Variants in ACBD6 observed in about 807,000 individuals in gnomAD.
ACBD6 encodes acyl-CoA-binding domain-containing protein 6.
ACBD6 carries 28 observed loss-of-function variants against 37.2 expected under a neutral mutation model. That is an observed-to-expected ratio of 0.75 (90% CI 0.56 to 1.03). The LOEUF (loss-of-function observed/expected upper bound fraction) is 1.03. Ranked by LOEUF, ACBD6 falls within the 50% of genes least tolerant of loss-of-function variation. The pLI, the probability that ACBD6 is intolerant of heterozygous loss-of-function variation, is 0.00. For missense variants in ACBD6, 340 were observed against 337.4 expected, an observed-to-expected ratio of 1.01 and a Z score of -0.06; for synonymous variants, 113 against 126.8, an observed-to-expected ratio of 0.89 and a Z score of 0.73.
intron 1 of ACBD6, among the ~76,000 whole-genome samples, chr1:180,497,439 A>G (rs1557895683): frequency 6.6e-6 from 1 of 152,340 alleles, no homozygotes; most frequent in East Asian, 1.9e-4. Flanking sequence ...TCTGACCATG[A>G]AAAAGGAACT....
intron 6 of ACBD6, among the ~76,000 whole-genome samples, chr1:180,326,012 C>A (rs571591188): frequency 6.6e-6 from 1 of 152,242 alleles, no homozygotes; most frequent in South Asian, 2.1e-4. Context: ...AGGCCCACTG[C>A]AATCACTACC....
chr1:180,493,267 AAAAAAAAAAAAC>A (rs1272675147), intron 2 of ACBD6, among the ~76,000 whole-genome samples: 91 of 110,316 alleles, frequency 8.2e-4, no homozygotes, highest in African/African-American at 3.3e-3. Context: ...AAAAAAAAAA[AAAAAAAAAAAAC>A]AACAACAGCA....
At chr1:180,334,016 G>C (rs1651595850) in intron 6 of ACBD6, among the ~76,000 whole-genome samples, 1 of 152,256 alleles carries the variant, frequency 6.6e-6, no homozygotes, top group African/African-American at 2.4e-5. Flanking sequence ...AAAGCGGCCA[G>C]GAAGCTCCAA....
At chr1:180,450,073 G>C (rs1214651418) in intron 3 of ACBD6, among the ~76,000 whole-genome samples, 1 of 150,484 alleles carries the variant, frequency 6.6e-6, no homozygotes, top group African/African-American at 2.4e-5. Flanking sequence ...TTTAATACGG[G>C]TACACATAAA....
intron 6 of ACBD6, among the ~76,000 whole-genome samples, chr1:180,359,351 ATTT>A (rs894812137): frequency 6.6e-6 from 1 of 151,874 alleles, no homozygotes; most frequent in Non-Finnish European, 1.5e-5. Flanking sequence ...AGTGAGATGG[ATTT>A]TTTTTGGCCC....
chr1:180,452,368 G>C lies in ACBD6; in HGVS notation c.385-22106C>G, dbSNP rs191008594. Among the ~76,000 whole-genome samples, 22 of 152,200 alleles carry C rather than the reference G, an allele frequency of 1.4e-4. No individual in the cohort carries two copies. In the East Asian group the frequency reaches 3.9e-3, roughly 27 times the overall value. ...GCCAGTAGTCCCAGCTACTCGGGAG[G>C]CTGAGGCAGGAGAATCACTTGAAAC... On this transcript the variant is annotated intron_variant, in intron 3 of 7. Coordinates refer to ENST00000367595, the MANE Select transcript of ACBD6 (RefSeq NM_032360.4).
intron 3 of ACBD6, among the ~76,000 whole-genome samples, chr1:180,472,383 T>A (rs759882930): frequency 6.6e-6 from 1 of 152,198 alleles, no homozygotes; most frequent in Non-Finnish European, 1.5e-5. Flanking sequence ...TTAGGGTAGA[T>A]GTAGCTGAAG....
intron 6 of ACBD6, among the ~76,000 whole-genome samples, chr1:180,355,873 T>C (rs576832554): frequency 2.8e-3 from 109 of 39,064 alleles, no homozygotes; most frequent in African/African-American, 4.2e-3. Context: ...ATTGCTATAA[T>C]TTTTTTTTTT....
chr1:180,418,575 TAAAAA>T (rs1214049045), intron 4 of ACBD6, among the ~76,000 whole-genome samples: 1 of 149,928 alleles, frequency 6.7e-6, no homozygotes, highest in Admixed American at 6.6e-5. Context: ...TCCTGTCTCT[TAAAAA>T]AGAAAAAAAA....
At chr1:180,295,622 T>C (rs1649888283) in intron 7 of ACBD6, among the ~76,000 whole-genome samples, 1 of 152,176 alleles carries the variant, frequency 6.6e-6, no homozygotes, top group Non-Finnish European at 1.5e-5. Flanking sequence ...TGTCACACTG[T>C]GGGGATTCTC....
intron 1 of ACBD6, 101 bp downstream of exon 1, chr1:180,501,944 T>A: frequency 1.8e-6 from 2 of 1,141,006 alleles, no homozygotes; most frequent in Non-Finnish European, 2.6e-6. Flanking sequence ...ATACACAAGC[T>A]TCATTACACC....
At chr1:180,387,151 G>A (rs1653875284) in intron 6 of ACBD6, among the ~76,000 whole-genome samples, 1 of 152,156 alleles carries the variant, frequency 6.6e-6, no homozygotes, top group African/African-American at 2.4e-5. Context: ...GTGCTACTTA[G>A]AGGTCAATGT....
intron 4 of ACBD6, among the ~76,000 whole-genome samples, chr1:180,420,514 AC>A (rs1648312742): frequency 1.3e-5 from 2 of 152,018 alleles, no homozygotes; most frequent in Admixed American, 1.3e-4. Context: ...GGTCCTTATA[AC>A]CCCCCGATCT....
intron 6 of ACBD6, among the ~76,000 whole-genome samples, chr1:180,327,401 G>C (rs1651296574): frequency 6.6e-6 from 1 of 152,180 alleles, no homozygotes; most frequent in Non-Finnish European, 1.5e-5. Flanking sequence ...GATTGAGAAG[G>C]GGTGGTGTCA....
intron 3 of ACBD6, among the ~76,000 whole-genome samples, chr1:180,437,819 A>T (rs554209275): frequency 6.6e-6 from 1 of 152,328 alleles, no homozygotes; most frequent in Admixed American, 6.5e-5. Context: ...CTTCTAGAGA[A>T]GGCCCTTTGA....
chr1:180,326,567 G>A (rs1167865026), intron 6 of ACBD6: 3 of 152,258 alleles, frequency 2.0e-5, no homozygotes, highest in Non-Finnish European at 4.4e-5. Context: ...TGGTACCTAC[G>A]GTACAAGGTA....
At chr1:180,455,236 C>T in intron 3 of ACBD6, among the ~76,000 whole-genome samples, 1 of 152,168 alleles carries the variant, frequency 6.6e-6, no homozygotes, top group Non-Finnish European at 1.5e-5. Flanking sequence ...ATGGATGAAG[C>T]TGGAAACCAT....
chr1:180,387,952 G>A (rs6704001), intron 6 of ACBD6, among the ~76,000 whole-genome samples: 23,966 of 151,960 alleles, frequency 0.16, 1,948 homozygotes, highest in Middle Eastern at 0.23. Flanking sequence ...GAGGCGGGCA[G>A]ATCACAAGGT....
chr1:180,313,249 T>A (rs1007184242), intron 7 of ACBD6, among the ~76,000 whole-genome samples: 1 of 152,248 alleles, frequency 6.6e-6, no homozygotes, highest in African/African-American at 2.4e-5. Flanking sequence ...TTTCTCCTGC[T>A]GGTTTTGGTA....
Sources: allele counts gnomAD v4.1 joint callset (sites outside exome capture counted in the v4.1 genomes callset), GRCh38; gene constraint gnomAD v4.1.1; transcripts MANE v1.5; gene names NCBI Gene and HGNC (gene_info 2026-07-23, HGNC 2026-07-21).